EXOC2: variants seen among roughly 807,000 people sequenced by gnomAD.
EXOC2 encodes the protein SEC5-like 1.
EXOC2 carries 70 observed loss-of-function variants against 131.8 expected under a neutral mutation model. The observed-to-expected ratio is 0.53, with a 90% CI of 0.44 to 0.65. The LOEUF (loss-of-function observed/expected upper bound fraction) is 0.65, where lower values mean the gene tolerates loss of function less well. EXOC2 is among the 30% of genes least tolerant of loss of function. The pLI is 0.00. For missense variants in EXOC2, 923 were observed against 1,108.6 expected (o/e 0.83, Z 2.38); for synonymous variants, 411 against 398.4 (o/e 1.03, Z -0.38).
chr6:660,957 A>T (rs1248676311), intron 1 of EXOC2, among the ~76,000 whole-genome samples: 1 of 152,224 alleles, frequency 6.6e-6, no homozygotes, highest in Non-Finnish European at 1.5e-5. Context: ...TTAAAGAAAA[A>T]ACAATCAAAA....
At chr6:687,533 G>A (rs552011326) in intron 1 of EXOC2, among the ~76,000 whole-genome samples, 2 of 152,050 alleles carry the variant, frequency 1.3e-5, no homozygotes, top group East Asian at 1.9e-4. Context: ...GATGATTTGC[G>A]ATACAATGAC....
intron 1 of EXOC2, among the ~76,000 whole-genome samples, chr6:677,514 T>G (rs1467961681): frequency 1.3e-5 from 2 of 152,194 alleles, no homozygotes; most frequent in Non-Finnish European, 2.9e-5. Context: ...ATTGATGACT[T>G]ATTTTATCCA....
Position 491,150 on chromosome 6 carries a change from CCA to C in EXOC2, c.2594_2595del (p.Val865GlyfsTer13), listed in dbSNP as rs1249121282. ...TTGCTTTCGGGTGTCAGGTAAACAG[CCA>C]CAGTGTCCCTCAAAGCACAGATTTC... ...RLEICALRDT[V>X]AVYLTPESKS... is the part of the protein sequence containing the mutation. On this transcript the variant is annotated frameshift_variant, in exon 26 of 28. Transcript: ENST00000230449. LOFTEE classifies it high-confidence loss of function. 13 of 1,614,020 alleles carry C rather than the reference CCA, an allele frequency of 8.1e-6. No individual in the cohort carries two copies. Among genetic ancestry groups the C allele is most frequent in the African/African-American group, 1.3e-5 (1 of 74,918 alleles).
At chr6:495,205 G>A (rs866600294) in intron 25 of EXOC2, among the ~76,000 whole-genome samples, 32 of 149,164 alleles carry the variant, frequency 2.1e-4, no homozygotes, top group Admixed American at 8.1e-4. Flanking sequence ...GGCTCACTGC[G>A]AGCTCCACCT....
intron 27 of EXOC2, among the ~76,000 whole-genome samples, chr6:487,510 A>C (rs1763145433): frequency 2.0e-5 from 3 of 152,082 alleles, no homozygotes; most frequent in South Asian, 2.1e-4. Context: ...GGATTCAAGC[A>C]ATTCTCCTGC....
At chr6:681,139 G>A (rs1764386240) in intron 1 of EXOC2, among the ~76,000 whole-genome samples, 1 of 152,204 alleles carries the variant, frequency 6.6e-6, no homozygotes, top group Admixed American at 6.5e-5. Context: ...AAGAGCAACT[G>A]CCAAAACCAC....
chr6:615,874 G>C (rs927150290), intron 6 of EXOC2, among the ~76,000 whole-genome samples: 2 of 152,152 alleles, frequency 1.3e-5, no homozygotes, highest in Admixed American at 6.5e-5. Context: ...TAAAAATAAA[G>C]TTTGGGGATA....
chr6:491,430 A>G (rs1354114310), intron 25 of EXOC2, among the ~76,000 whole-genome samples: 3 of 152,268 alleles, frequency 2.0e-5, no homozygotes, highest in South Asian at 2.1e-4. Flanking sequence ...AGGGAACTAG[A>G]TATCTCACTA....
chr6:627,390 A>G (rs1390374369), intron 4 of EXOC2, among the ~76,000 whole-genome samples: 1 of 151,872 alleles, frequency 6.6e-6, no homozygotes, highest in East Asian at 1.9e-4. Context: ...CTTTCTTTTG[A>G]AAGTCTTTTG....
chr6:491,096 G>T (rs772333276), intron 26 of EXOC2, 29 bp downstream of exon 26: 4 of 1,608,834 alleles, frequency 2.5e-6, no homozygotes, highest in Admixed American at 1.7e-5. Context: ...TTTTAATAGA[G>T]CACTCAACTA....
At chr6:630,139 G>T (rs950456968) in intron 3 of EXOC2, among the ~76,000 whole-genome samples, 178 bp from the exon 4 acceptor site, 4 of 152,034 alleles carry the variant, frequency 2.6e-5, no homozygotes, top group African/African-American at 9.7e-5. Context: ...TTAATTATAA[G>T]CACTAAAAAA....
intron 19 of EXOC2, 57 bp from the exon 20 acceptor site, chr6:555,345 C>A: frequency 1.8e-6 from 2 of 1,104,068 alleles, no homozygotes; most frequent in Non-Finnish European, 2.6e-6. Flanking sequence ...AGACATTAAT[C>A]TATTTGGACA....
chr6:616,839 C>T (rs1761040567), intron 6 of EXOC2, among the ~76,000 whole-genome samples: 1 of 151,500 alleles, frequency 6.6e-6, no homozygotes, highest in African/African-American at 2.4e-5. Context: ...GCCTCCCACG[C>T]TCAAGCAATT....
At chr6:498,974 T>C (rs188582507) in intron 24 of EXOC2, among the ~76,000 whole-genome samples, 85 of 152,332 alleles carry the variant, frequency 5.6e-4, no homozygotes, top group African/African-American at 2.0e-3. Context: ...CAGGCAGCCA[T>C]AGATCATGGT....
At chr6:501,206 A>ATCTATATATATC (rs1764092627) in intron 23 of EXOC2, among the ~76,000 whole-genome samples, 2 of 30,108 alleles carry the variant, frequency 6.6e-5, no homozygotes, top group Non-Finnish European at 1.4e-4. Context: ...TATATATTAT[A>ATCTATATATATC]TATATATTAT....
intron 24 of EXOC2, 86 bp from the exon 25 acceptor site, chr6:497,575 A>C: frequency 6.8e-7 from 1 of 1,477,232 alleles, no homozygotes; most frequent in African/African-American, 1.4e-5. Flanking sequence ...AAAACAAAAC[A>C]AAAGAAAATC....
intron 24 of EXOC2, among the ~76,000 whole-genome samples, chr6:499,359 T>G (rs1561782796): frequency 1.3e-5 from 2 of 151,930 alleles, no homozygotes; most frequent in Admixed American, 1.3e-4. Context: ...TATCTTCACC[T>G]TTCAAATATT....
At chr6:620,844 A>T (rs569907556) in intron 4 of EXOC2, among the ~76,000 whole-genome samples, 6 of 152,300 alleles carry the variant, frequency 3.9e-5, no homozygotes, top group Non-Finnish European at 8.8e-5. Flanking sequence ...ATGGACAGAG[A>T]GACAAGAATG....
chr6:679,805 G>A (rs987153173), intron 1 of EXOC2, among the ~76,000 whole-genome samples: 1 of 152,138 alleles, frequency 6.6e-6, no homozygotes, highest in Non-Finnish European at 1.5e-5. Context: ...ACAAATTAGC[G>A]AAATAGAAAG....
Sources: gnomAD v4.1 joint callset for allele counts (sites outside exome capture counted in the v4.1 genomes callset) on GRCh38, gnomAD v4.1.1 for gene constraint, MANE v1.5 for transcripts, NCBI Gene and HGNC (gene_info 2026-07-23, HGNC 2026-07-21) for gene names.